The following GNAO1 variants were observed in gnomAD, a reference collection of about 807,000 sequenced individuals.
GNAO1 encodes the protein guanine nucleotide-binding protein G(o) subunit alpha.
For missense variants in GNAO1, 166 were observed against 478.7 expected, an observed-to-expected ratio of 0.35 and a Z score of 6.10; for synonymous variants, 164 against 180.7, an observed-to-expected ratio of 0.91 and a Z score of 0.74.
chr16:56,295,223 G>T (rs1202326594), intron 3 of GNAO1, among the ~76,000 whole-genome samples: 1 of 152,192 alleles, frequency 6.6e-6, no homozygotes, highest in Non-Finnish European at 1.5e-5. Context: ...TGCAGATAAA[G>T]AAGTGATCAT....
chr16:56,338,620 C>G (rs548251901), intron 6 of GNAO1, among the ~76,000 whole-genome samples: 11 of 152,378 alleles, frequency 7.2e-5, no homozygotes, highest in Admixed American at 5.9e-4. Context: ...GGCCCTTCCC[C>G]CTGGAATCCA....
intron 6 of GNAO1, chr16:56,344,079 G>A (rs1387091728): frequency 6.8e-7 from 1 of 1,471,452 alleles, no homozygotes; most frequent in Non-Finnish European, 9.0e-7. Context: ...TGGCACCAAG[G>A]GAGGGAGGAG....
At position 56,280,795 on chromosome 16, in the gene GNAO1, G is replaced by A. The variant is rs910263241; in HGVS notation, c.303+4723G>A. On this transcript the variant is annotated intron_variant, in intron 3 of 8. Coordinates refer to ENST00000262493, the MANE Select transcript of GNAO1 (RefSeq NM_020988.3). Reference sequence around the variant, plus strand: ...ACCTCAGCCAGAAAGCCAGGAGGCCGGGTGGGGCCGGACCACAGAGGGTGA... The same window carrying A: ...ACCTCAGCCAGAAAGCCAGGAGGCCAGGTGGGGCCGGACCACAGAGGGTGA... 5.9e-5 allele frequency among the ~76,000 whole-genome samples: 9 copies of A among 152,192 alleles called. No individual in the cohort carries two copies. In the South Asian group the frequency reaches 8.3e-4, roughly 14 times the overall value.
At chr16:56,230,094 A>G (rs769528422) in intron 2 of GNAO1, among the ~76,000 whole-genome samples, 1 of 151,748 alleles carries the variant, frequency 6.6e-6, no homozygotes, top group Non-Finnish European at 1.5e-5. Flanking sequence ...GATGCTTTTG[A>G]TCATTTGGTC....
At chr16:56,286,087 G>A (rs1253649860) in intron 3 of GNAO1, among the ~76,000 whole-genome samples, 1 of 152,156 alleles carries the variant, frequency 6.6e-6, no homozygotes, top group East Asian at 1.9e-4. Flanking sequence ...AGCCAAGGTG[G>A]TATCTGCCCC....
At chr16:56,239,004 CTT>C (rs2036669390) in intron 2 of GNAO1, among the ~76,000 whole-genome samples, 1 of 152,238 alleles carries the variant, frequency 6.6e-6, no homozygotes, top group African/African-American at 2.4e-5. Context: ...TTGCATATCA[CTT>C]TATGCCCTGC....
chr16:56,269,773 C>CTGG (rs1567462962), intron 2 of GNAO1, among the ~76,000 whole-genome samples: 1 of 152,156 alleles, frequency 6.6e-6, no homozygotes, highest in Non-Finnish European at 1.5e-5. Flanking sequence ...CCTAGGGCCT[C>CTGG]TGAGTTTGTG....
At position 56,348,250 on chromosome 16, in the gene GNAO1, T is replaced by G. The variant is rs987089593; in HGVS notation, c.724-3134T>G. ...CCCAGGGAGCTCCTGCCAGGTGCAC[T>G]TGCACGATGTGTGTCCTCGGGCCCT... is the stretch of plus-strand genomic sequence containing the variant. On this transcript the variant is annotated intron_variant, in intron 6 of 8. Transcript: ENST00000262493. 1.3e-5 allele frequency: 12 copies of G among 952,410 alleles called. No individual in the cohort carries two copies. The African/African-American group carries it at 1.9e-4, about 15-fold the overall frequency. The allele number at this position is 952,410 out of a possible 1,614,324, so 59.0% of individuals were successfully genotyped here.
At position 56,267,763 on chromosome 16, in the gene GNAO1, A is replaced by G. The variant is rs368549891; in HGVS notation, c.162-8168A>G. Among the ~76,000 whole-genome samples the G allele has an allele frequency of 9.2e-5, 14 of 152,338 alleles. 1 individual carries two copies. In the East Asian group the frequency reaches 2.5e-3, roughly 27 times the overall value. On this transcript the variant is annotated intron_variant, in intron 2 of 8. Coordinates refer to ENST00000262493, the MANE Select transcript of GNAO1 (RefSeq NM_020988.3). ...ATTAGAATGCAAGCTCCACAAGGGC[A>G]GGGATTGTGTCTGTCGCTTTTATCC...
chr16:56,306,676 C>T (rs1315529546), intron 3 of GNAO1, among the ~76,000 whole-genome samples: 1 of 152,132 alleles, frequency 6.6e-6, no homozygotes, highest in Non-Finnish European at 1.5e-5. Context: ...ATTCAGAAAA[C>T]ATGAAGCCAG....
chr16:56,351,318 C>A lies in GNAO1; in HGVS notation c.724-66C>A. 2 of 1,195,008 alleles carry A rather than the reference C, an allele frequency of 1.7e-6. No individual in the cohort carries two copies. Among genetic ancestry groups the A allele is most frequent in the South Asian group, 1.3e-5 (1 of 77,236 alleles). 74.0% of individuals were successfully genotyped at this position (1,195,008 alleles called of 1,614,324 possible). ...CTCTGTCAAGCCTAATTCTCTCCTT[C>A]TCTTTCCCTGTCTCTGTGTCTCCCT... On this transcript the variant is annotated intron_variant, in intron 6 of 8. Coordinates refer to ENST00000262493, the MANE Select transcript of GNAO1 (RefSeq NM_020988.3). The surrounding 1 kb of genome is among the most constrained non-coding windows in gnomAD (Gnocchi z 6.1).
Position 56,350,994 on chromosome 16 carries a change from C to T in GNAO1, c.724-390C>T, listed in dbSNP as rs183902247. 2.0e-3 allele frequency among the ~76,000 whole-genome samples: 311 copies of T among 152,106 alleles called. 2 individuals are homozygous for T. The highest frequency in any genetic ancestry group is 7.0e-3 in the African/African-American group (289 of 41,492). ...GCACACACATAGGCACACATGCACA[C>T]GAACACACACAGGCACACATAACAG... On this transcript the variant is annotated intron_variant, in intron 6 of 8. Transcript: ENST00000262493.
chr16:56,278,023 G>C (rs1475303840), intron 3 of GNAO1, among the ~76,000 whole-genome samples: 2 of 152,100 alleles, frequency 1.3e-5, no homozygotes, highest in African/African-American at 4.8e-5. Flanking sequence ...ATCCTGAATG[G>C]AGAGATGATT....
rs2037837841 is a variant in GNAO1 at position 56,344,057 on chromosome 16, G to C, written c.723+7197G>C. ...ACCACTCTTTGCACTTGAGGAAGAAGACCTCAGAGGCTGGCACCAAGGGAG... is the reference window on the plus strand; with the variant it reads ...ACCACTCTTTGCACTTGAGGAAGAACACCTCAGAGGCTGGCACCAAGGGAG... On this transcript the variant is annotated intron_variant, in intron 6 of 8. Transcript: ENST00000262493. The C allele has an allele frequency of 3.3e-6, 5 of 1,517,378 alleles. No homozygotes were observed. The Admixed American group carries it at 9.9e-5, about 30-fold the overall frequency. The allele number at this position is 1,517,378 out of a possible 1,614,324, so 94.0% of individuals were successfully genotyped here. A position where few individuals can be genotyped will look rare whatever the true frequency, so the allele number is the denominator to read the frequency against.
intron 2 of GNAO1, among the ~76,000 whole-genome samples, chr16:56,218,955 T>G (rs1241614485): frequency 2.0e-5 from 3 of 152,188 alleles, no homozygotes; most frequent in Non-Finnish European, 4.4e-5. Flanking sequence ...ATTGTGGGCA[T>G]GCACCCACAC....
At chr16:56,248,313 A>G (rs988468385) in intron 2 of GNAO1, among the ~76,000 whole-genome samples, 1 of 152,236 alleles carries the variant, frequency 6.6e-6, no homozygotes, top group Non-Finnish European at 1.5e-5. Flanking sequence ...CAGAAATGAA[A>G]TCAAACTTCT....
intron 3 of GNAO1, among the ~76,000 whole-genome samples, chr16:56,277,475 A>C (rs2143524452): frequency 6.6e-6 from 1 of 152,314 alleles, no homozygotes; most frequent in East Asian, 1.9e-4. Context: ...ACACCTATTC[A>C]GATCGTTAGA....
intron 3 of GNAO1, among the ~76,000 whole-genome samples, chr16:56,288,740 G>C (rs2587880): frequency 0.39 from 59,371 of 151,908 alleles, 11,976 homozygotes; most frequent in Non-Finnish European, 0.44. Flanking sequence ...CAGGGGTGGA[G>C]GCGGGTAGGG....
chr16:56,198,149 C>G (rs2036250542), intron 2 of GNAO1, among the ~76,000 whole-genome samples: 1 of 152,124 alleles, frequency 6.6e-6, no homozygotes, highest in Non-Finnish European at 1.5e-5. Context: ...GAAAGTGTGC[C>G]TGTTTGTACA....
Sources: gnomAD v4.1 joint callset for allele counts (sites outside exome capture counted in the v4.1 genomes callset) on GRCh38, gnomAD v4.1.1 for gene constraint, Gnocchi (gnomAD v3.1) non-coding constraint, MANE v1.5 for transcripts, NCBI Gene and HGNC (gene_info 2026-07-23, HGNC 2026-07-21) for gene names.